SRGAP2: variants seen among roughly 807,000 people sequenced by gnomAD.
SRGAP2 encodes SLIT-ROBO Rho GTPase-activating protein 2.
SRGAP2 carries 15 observed loss-of-function variants against 57.2 expected under a neutral mutation model. The observed-to-expected ratio is 0.26, with a 90% CI of 0.18 to 0.40. SRGAP2 has a LOEUF of 0.40. Ranked by LOEUF, SRGAP2 falls within the 10% of genes least tolerant of loss-of-function variation. The probability of loss-of-function intolerance (pLI) is 1.00; values close to 1 mark genes in which losing one functional copy is unlikely to be tolerated. For synonymous variants in SRGAP2, 249 were observed against 248.0 expected, an observed-to-expected ratio of 1.00 and a Z score of -0.04; for missense variants, 520 against 669.6, an observed-to-expected ratio of 0.78 and a Z score of 2.47.
intron 22 of SRGAP2, among the ~76,000 whole-genome samples, chr1:206,459,228 A>G (rs1553379691): frequency 1.3e-5 from 2 of 152,194 alleles, no homozygotes; most frequent in Admixed American, 6.5e-5. Context: ...TAAAGCCGGT[A>G]TTAAGAGTAT....
At chr1:206,353,018 C>A (rs1157028320) in intron 4 of SRGAP2, among the ~76,000 whole-genome samples, 1 of 151,828 alleles carries the variant, frequency 6.6e-6, no homozygotes. Flanking sequence ...AATATTTATT[C>A]ATTATCTTTG....
chr1:206,358,155 C>T (rs1436537403), intron 4 of SRGAP2, among the ~76,000 whole-genome samples: 22 of 152,132 alleles, frequency 1.4e-4, no homozygotes, highest in Admixed American at 2.6e-4. Context: ...TGGGCCCTGG[C>T]TGGCTCAGTG....
rs531189352 is a variant in SRGAP2, at chr1:206,430,869, C to T, written c.1555+647C>T. 1.4e-4 allele frequency among the ~76,000 whole-genome samples: 22 copies of T among 152,208 alleles called. No individual in the cohort carries two copies. The Middle Eastern group carries it at 0.01, about 71-fold the overall frequency. The stretch of plus-strand genomic sequence containing the variant: ...ACTGGTCTCATTGGACAGAATTTAG[C>T]GATCGAAATAATTGCCAGAGAATTG... On this transcript the variant is annotated intron_variant, in intron 14 of 22. Transcript: ENST00000573034.
chr1:206,416,053 C>A, intron 11 of SRGAP2, 80 bp downstream of exon 11: 1 of 687,658 alleles, frequency 1.5e-6, no homozygotes, highest in Non-Finnish European at 2.6e-6. Context: ...CCTCCATCCT[C>A]AGCCAAGTGG....
intron 2 of SRGAP2, among the ~76,000 whole-genome samples, chr1:206,276,756 A>G (rs1462095559): frequency 2.6e-5 from 4 of 152,234 alleles, no homozygotes; most frequent in African/African-American, 9.6e-5. Context: ...CATGAGTTCC[A>G]CAGTGAAACT....
At chr1:206,277,125 C>T (rs1456329265) in intron 2 of SRGAP2, among the ~76,000 whole-genome samples, 3 of 151,476 alleles carry the variant, frequency 2.0e-5, no homozygotes, top group East Asian at 1.9e-4. Context: ...CCACCACACC[C>T]GGCTAATTTT....
chr1:206,318,722 AGT>A (rs1338280128), intron 3 of SRGAP2, among the ~76,000 whole-genome samples: 1 of 152,132 alleles, frequency 6.6e-6, no homozygotes, highest in Non-Finnish European at 1.5e-5. Context: ...ACATGGTGAG[AGT>A]GGGAGTGAGA....
intron 2 of SRGAP2, among the ~76,000 whole-genome samples, chr1:206,251,194 AAGGC>A (rs1668810562): frequency 6.6e-6 from 1 of 151,520 alleles, no homozygotes; most frequent in Non-Finnish European, 1.5e-5. Flanking sequence ...TACTGAAGCA[AAGGC>A]TCTGCACTTT....
intron 2 of SRGAP2, among the ~76,000 whole-genome samples, chr1:206,259,220 C>G (rs1333995179): frequency 6.6e-6 from 1 of 151,664 alleles, no homozygotes; most frequent in African/African-American, 2.4e-5. Flanking sequence ...TGGCTGCCAA[C>G]CTCTTTCTCT....
At chr1:206,418,892 G>GTT (rs1660019529) in intron 11 of SRGAP2, among the ~76,000 whole-genome samples, 1 of 93,102 alleles carries the variant, frequency 1.1e-5, no homozygotes, top group East Asian at 3.1e-4. Flanking sequence ...CTCTCTCTGT[G>GTT]TGTGTGTGTG....
intron 10 of SRGAP2, among the ~76,000 whole-genome samples, chr1:206,415,606 T>A (rs1572094645): frequency 6.6e-6 from 1 of 152,198 alleles, no homozygotes; most frequent in East Asian, 1.9e-4. Flanking sequence ...CCCTCCCTGC[T>A]CTTCCTCAGT....
intron 2 of SRGAP2, among the ~76,000 whole-genome samples, chr1:206,240,752 T>C (rs1416294018): frequency 9.9e-5 from 15 of 152,222 alleles, no homozygotes; most frequent in Admixed American, 7.9e-4. Context: ...TACGTGCTCA[T>C]GGTAACACAG....
intron 2 of SRGAP2, among the ~76,000 whole-genome samples, chr1:206,211,059 G>A (rs1337453600): frequency 6.6e-6 from 1 of 151,902 alleles, no homozygotes; most frequent in African/African-American, 2.4e-5. Context: ...CAAAGAAGCA[G>A]TAGTTGGAAA....
intron 2 of SRGAP2, among the ~76,000 whole-genome samples, chr1:206,291,682 C>G (rs1205422254): frequency 1.3e-5 from 2 of 149,794 alleles, no homozygotes; most frequent in Non-Finnish European, 3.0e-5. Context: ...ACATAATAAG[C>G]ACTTAATAAA....
chr1:206,338,988 C>T (rs1389723696), intron 3 of SRGAP2, among the ~76,000 whole-genome samples: 13 of 151,524 alleles, frequency 8.6e-5, no homozygotes, highest in African/African-American at 3.2e-4. Context: ...GATTATGAAT[C>T]AGTTATAGTT....
At chr1:206,420,053 A>G (rs1208452749) in intron 12 of SRGAP2, among the ~76,000 whole-genome samples, 3 of 152,088 alleles carry the variant, frequency 2.0e-5, no homozygotes, top group Non-Finnish European at 4.4e-5. Context: ...TCGGAGAGCA[A>G]GGTATTCATT....
intron 3 of SRGAP2, among the ~76,000 whole-genome samples, chr1:206,326,578 A>G (rs1207303000): frequency 3.3e-5 from 5 of 152,210 alleles, no homozygotes; most frequent in Non-Finnish European, 5.9e-5. Flanking sequence ...AAATAAGAAA[A>G]CGGTTACTAG....
At chr1:206,416,307 T>C (rs1487451807) in intron 11 of SRGAP2, among the ~76,000 whole-genome samples, 1 of 152,160 alleles carries the variant, frequency 6.6e-6, no homozygotes, top group Non-Finnish European at 1.5e-5. Flanking sequence ...TTGTTAAAAC[T>C]CCTAGCTCCT....
chr1:206,452,204 A>C (rs1215983397), intron 19 of SRGAP2, among the ~76,000 whole-genome samples: 3 of 152,248 alleles, frequency 2.0e-5, no homozygotes, highest in Non-Finnish European at 4.4e-5. Context: ...TCCATGTTAC[A>C]GATGAGGAGA....
Sources: gnomAD v4.1 joint callset for allele counts (sites outside exome capture counted in the v4.1 genomes callset) on GRCh38, gnomAD v4.1.1 for gene constraint, MANE v1.5 for transcripts, NCBI Gene and HGNC (gene_info 2026-07-23, HGNC 2026-07-21) for gene names.